The following ZCCHC4 variants were observed in gnomAD, a reference collection of about 807,000 sequenced individuals.
ZCCHC4 encodes rRNA N(6)-adenosine-methyltransferase ZCCHC4.
In ZCCHC4, 54 loss-of-function variants were observed where a neutral mutation model predicts 67.7. The ratio of observed to expected loss-of-function variants is 0.80; its 90% CI spans 0.64 to 1.00. ZCCHC4 has a LOEUF of 1.00. Among genes scored for constraint, ZCCHC4 ranks in the 50% least tolerant of loss-of-function variants. The pLI is 0.00. For missense variants in ZCCHC4, 609 were observed against 617.0 expected (o/e 0.99, Z 0.14); for synonymous variants, 198 against 213.5 (o/e 0.93, Z 0.63).
At chr4:25,352,723 C>A (rs763976030) in intron 8 of ZCCHC4, among the ~76,000 whole-genome samples, 4 of 152,224 alleles carry the variant, frequency 2.6e-5, no homozygotes, top group African/African-American at 4.8e-5. Flanking sequence ...CCTGCTTCCT[C>A]TTTTTGTAAG....
chr4:25,363,723 T>G (rs983670079), intron 10 of ZCCHC4, among the ~76,000 whole-genome samples: 5 of 152,268 alleles, frequency 3.3e-5, no homozygotes, highest in African/African-American at 1.2e-4. Flanking sequence ...TTCTTCATTT[T>G]AAAACAATTA....
intron 3 of ZCCHC4, among the ~76,000 whole-genome samples, chr4:25,319,683 A>G (rs886488296): frequency 2.6e-5 from 4 of 152,082 alleles, no homozygotes; most frequent in Admixed American, 2.0e-4. Context: ...CAAAGGCATA[A>G]TAAATAACCT....
intron 12 of ZCCHC4, 108 bp downstream of exon 12, chr4:25,365,274 C>T (rs1039788691): frequency 9.9e-6 from 15 of 1,520,604 alleles, no homozygotes; most frequent in Non-Finnish European, 1.3e-5. Flanking sequence ...AGTTAATTGT[C>T]ACTTTCACTA....
At chr4:25,367,272 C>G (rs1252751905) in intron 12 of ZCCHC4, among the ~76,000 whole-genome samples, 1 of 152,100 alleles carries the variant, frequency 6.6e-6, no homozygotes, top group Non-Finnish European at 1.5e-5. Context: ...AGGACAAATA[C>G]TAGGTCAATT....
chr4:25,349,427 C>T (rs1294119749), intron 6 of ZCCHC4, 65 bp from the exon 7 acceptor site: 1 of 1,515,360 alleles, frequency 6.6e-7, no homozygotes, highest in Non-Finnish European at 9.1e-7. Flanking sequence ...AATGCATTCT[C>T]CTCCAAATAG....
intron 7 of ZCCHC4, 22 bp from the exon 8 acceptor site, chr4:25,351,567 T>G (rs755731692): frequency 6.6e-7 from 1 of 1,512,578 alleles, no homozygotes; most frequent in Admixed American, 1.9e-5. Flanking sequence ...ACTATTATTT[T>G]TTCCTTTTTG....
intron 3 of ZCCHC4, among the ~76,000 whole-genome samples, chr4:25,330,360 G>A (rs1371286946): frequency 2.6e-5 from 4 of 152,054 alleles, no homozygotes; most frequent in Non-Finnish European, 5.9e-5. Flanking sequence ...TATTTTATTG[G>A]ATACTAGTAG....
At chr4:25,354,688 G>A (rs1035900314) in intron 8 of ZCCHC4, among the ~76,000 whole-genome samples, 1 of 151,554 alleles carries the variant, frequency 6.6e-6, no homozygotes, top group Admixed American at 6.6e-5. Flanking sequence ...AATAGTGATG[G>A]GATCTCTCTG....
chr4:25,349,387 G>A (rs1720176638), intron 6 of ZCCHC4, 105 bp from the exon 7 acceptor site: 5 of 1,115,288 alleles, frequency 4.5e-6, no homozygotes, highest in Admixed American at 2.5e-5. Flanking sequence ...ACTTGGTAAA[G>A]TTTCCAGTAT....
chr4:25,339,312 G>A (rs1359701065), intron 5 of ZCCHC4, among the ~76,000 whole-genome samples: 5 of 152,182 alleles, frequency 3.3e-5, no homozygotes, highest in Admixed American at 2.0e-4. Context: ...ACCTAGAAGT[G>A]GAATTGCTAG....
At chr4:25,345,871 A>T (rs548890469) in intron 6 of ZCCHC4, among the ~76,000 whole-genome samples, 16 of 152,228 alleles carry the variant, frequency 1.1e-4, no homozygotes, top group Admixed American at 1.3e-4. Context: ...GCTCTGTGTG[A>T]TCTGACCCCG....
At chr4:25,313,059 A>G in intron 1 of ZCCHC4, 123 bp downstream of exon 1, 3 of 1,361,478 alleles carry the variant, frequency 2.2e-6, no homozygotes, top group Non-Finnish European at 3.0e-6. Context: ...GCTGCCTAGA[A>G]AATACTCCTT....
At chr4:25,342,844 A>G (rs1477323379) in intron 5 of ZCCHC4, among the ~76,000 whole-genome samples, 2 of 152,192 alleles carry the variant, frequency 1.3e-5, no homozygotes. Flanking sequence ...GAAACTTAGA[A>G]CTGAAATCTT....
chr4:25,335,272 C>T (rs2109066876), intron 5 of ZCCHC4, among the ~76,000 whole-genome samples: 1 of 152,244 alleles, frequency 6.6e-6, no homozygotes, highest in African/African-American at 2.4e-5. Context: ...CATGGTGAAA[C>T]CCTGTCCCTA....
At chr4:25,319,150 T>C (rs1323199584) in intron 3 of ZCCHC4, among the ~76,000 whole-genome samples, 1 of 152,056 alleles carries the variant, frequency 6.6e-6, no homozygotes, top group Non-Finnish European at 1.5e-5. Flanking sequence ...TTGGGAGGCC[T>C]AGGCGGGTGG....
intron 1 of ZCCHC4, 34 bp from the exon 2 acceptor site, chr4:25,314,012 A>T: frequency 1.0e-6 from 1 of 959,610 alleles, no homozygotes; most frequent in Non-Finnish European, 1.5e-6. Flanking sequence ...CCATTACTTG[A>T]CACTTTTTTT....
At chr4:25,317,466 CT>C (rs1204817965) in intron 3 of ZCCHC4, among the ~76,000 whole-genome samples, 1 of 151,958 alleles carries the variant, frequency 6.6e-6, no homozygotes, top group Non-Finnish European at 1.5e-5. Context: ...AATTCCAGCA[CT>C]TTGGGAGGCC....
intron 5 of ZCCHC4, among the ~76,000 whole-genome samples, chr4:25,345,105 T>A (rs1719942971): frequency 6.6e-6 from 1 of 152,138 alleles, no homozygotes; most frequent in Non-Finnish European, 1.5e-5. Flanking sequence ...GCCCGGCCTG[T>A]ATTAAATACT....
chr4:25,345,898 C>T (rs550037055), intron 6 of ZCCHC4, among the ~76,000 whole-genome samples: 32 of 152,296 alleles, frequency 2.1e-4, no homozygotes, highest in African/African-American at 7.7e-4. Flanking sequence ...ACTCTAGCCT[C>T]CCCTCTCCCT....
Sources: allele counts gnomAD v4.1 joint callset (sites outside exome capture counted in the v4.1 genomes callset), GRCh38; gene constraint gnomAD v4.1.1; transcripts MANE v1.5; gene names NCBI Gene and HGNC (gene_info 2026-07-23, HGNC 2026-07-21).